The following SNRPN variants were observed in gnomAD, a reference collection of about 807,000 sequenced individuals.
The protein encoded by SNRPN is small nuclear ribonucleoprotein-associated protein N.
A neutral mutation model predicts 25.2 loss-of-function variants in SNRPN; 7 were observed. The observed-to-expected ratio is 0.28, with a 90% CI of 0.16 to 0.52. The LOEUF (loss-of-function observed/expected upper bound fraction) is 0.52. Among genes scored for constraint, SNRPN ranks in the 20% least tolerant of loss-of-function variants. The pLI is 0.96. For synonymous variants in SNRPN, 124 were observed against 110.6 expected (o/e 1.12, Z -0.76); for missense variants, 196 against 322.5 (o/e 0.61, Z 3.00).
At chr15:24,898,763 C>T (rs753125034) in intron 2 of SNRPN, among the ~76,000 whole-genome samples, 3 of 151,920 alleles carry the variant, frequency 2.0e-5, no homozygotes, top group Non-Finnish European at 4.4e-5. Context: ...GTGATCGGAC[C>T]CAACACCAGG....
chr15:24,869,432 G>A (rs1340045184), intron 1 of SNRPN, among the ~76,000 whole-genome samples: 2 of 151,858 alleles, frequency 1.3e-5, no homozygotes, highest in African/African-American at 4.8e-5. Flanking sequence ...TTCTTCTACC[G>A]AATGAACACT....
chr15:24,949,040 G>GAGAT (rs2062062590), intron 3 of SNRPN, among the ~76,000 whole-genome samples: 4 of 19,430 alleles, frequency 2.1e-4, no homozygotes, highest in African/African-American at 5.2e-4. Flanking sequence ...TTTTTTTTTT[G>GAGAT]AGATAGAGTC....
At chr15:24,936,045 G>A (rs2061216376) in intron 3 of SNRPN, among the ~76,000 whole-genome samples, 1 of 151,928 alleles carries the variant, frequency 6.6e-6, no homozygotes, top group Non-Finnish European at 1.5e-5. Flanking sequence ...AACCCAGGAG[G>A]CGGAGGTTGT....
chr15:24,959,467 T>C (rs772822983), intron 1 of SNRPN, among the ~76,000 whole-genome samples: 1 of 152,132 alleles, frequency 6.6e-6, no homozygotes, highest in African/African-American at 2.4e-5. Context: ...TAAAAAAAGG[T>C]AAATTCAGAA....
At chr15:24,893,767 C>CAT (rs1168475870) in intron 2 of SNRPN, among the ~76,000 whole-genome samples, 7 of 151,978 alleles carry the variant, frequency 4.6e-5, no homozygotes, top group African/African-American at 1.7e-4. Flanking sequence ...GGTTCTTTAT[C>CAT]GGTATGGTGA....
chr15:24,830,048 G>A (rs60669255), intron 2 of SNRPN: 19,709 of 152,004 alleles, frequency 0.13, 1,496 homozygotes, highest in African/African-American at 0.19. Context: ...GTGCATGACC[G>A]CTTACATGTT....
chr15:24,942,266 G>C (rs138843595), intron 3 of SNRPN: 76 of 152,196 alleles, frequency 5.0e-4, no homozygotes, highest in African/African-American at 1.8e-3. Context: ...TCTATCTTTT[G>C]GTTTCTAGAC....
intron 1 of SNRPN, among the ~76,000 whole-genome samples, chr15:24,959,030 T>C (rs2074348326): frequency 6.6e-6 from 1 of 152,220 alleles, no homozygotes; most frequent in Non-Finnish European, 1.5e-5. Context: ...CTTTGTTTAT[T>C]TTTATTCTTG....
intron 2 of SNRPN, 133 bp from the exon 3 acceptor site, chr15:24,967,791 GAATGAGAC>G: frequency 1.4e-6 from 1 of 703,476 alleles, no homozygotes. Flanking sequence ...CTGGGCAACA[GAATGAGAC>G]CCTGTCTGGA....
Position 24,935,258 on chromosome 15 carries a change from C to A in SNRPN, c.-391+15134C>A, listed in dbSNP as rs112428725. 1.2e-3 allele frequency among the ~76,000 whole-genome samples: 185 copies of A among 149,840 alleles called. 1 individual carries two copies. Among genetic ancestry groups the A allele is most frequent in the African/African-American group, 4.4e-3 (176 of 39,852 alleles). ...CTACACTCCAGCATGGGCAACAGAG[C>A]GAGACTTTGTCTCCAAAAAAAAAAA... On this transcript the variant is annotated intron_variant, in intron 3 of 11. Transcript: ENST00000400097.
intron 3 of SNRPN, among the ~76,000 whole-genome samples, chr15:24,926,654 C>T (rs941888727): frequency 4.0e-5 from 6 of 151,260 alleles, no homozygotes; most frequent in Admixed American, 6.6e-5. Flanking sequence ...ATAGATGTAT[C>T]CATGCTATTT....
intron 1 of SNRPN, among the ~76,000 whole-genome samples, chr15:24,873,703 T>C (rs1316248639): frequency 6.6e-6 from 1 of 152,038 alleles, no homozygotes; most frequent in Non-Finnish European, 1.5e-5. Flanking sequence ...TGCCTCGGCC[T>C]CTCAAAGTGC....
At chr15:24,855,052 T>C (rs1277769669), upstream of SNRPN, among the ~76,000 whole-genome samples, 1 of 152,204 alleles carries the variant, frequency 6.6e-6, no homozygotes, top group Non-Finnish European at 1.5e-5. Flanking sequence ...TCTAGAAGAT[T>C]TGTTCATGGA....
At chr15:24,876,309 A>C (rs940093611) in intron 1 of SNRPN, among the ~76,000 whole-genome samples, 1 of 152,134 alleles carries the variant, frequency 6.6e-6, no homozygotes, top group Non-Finnish European at 1.5e-5. Context: ...CAAATAGGCA[A>C]TAAAAATCAG....
chr15:24,918,438 A>C, intron 2 of SNRPN, among the ~76,000 whole-genome samples: 1 of 127,756 alleles, frequency 7.8e-6, no homozygotes. Flanking sequence ...AACATAATAT[A>C]TATGTGTATA....
chr15:24,954,320 G>GT (rs1263093712), upstream of SNRPN, among the ~76,000 whole-genome samples: 1 of 152,132 alleles, frequency 6.6e-6, no homozygotes, highest in Non-Finnish European at 1.5e-5. Context: ...TAGATCTTAG[G>GT]TGGGGGTCTA....
intron 2 of SNRPN, among the ~76,000 whole-genome samples, chr15:24,900,092 C>T (rs1255873968): frequency 6.6e-6 from 1 of 152,134 alleles, no homozygotes; most frequent in African/African-American, 2.4e-5. Flanking sequence ...AACTGAAACA[C>T]GTGCCTTGGG....
At chr15:24,907,440 A>G (rs573997092) in intron 2 of SNRPN, among the ~76,000 whole-genome samples, 8 of 152,086 alleles carry the variant, frequency 5.3e-5, no homozygotes, top group African/African-American at 1.2e-4. Context: ...TACTAAAAAT[A>G]TAGAAAAATT....
chr15:24,973,783 CAT>C (rs1350359806), intron 3 of SNRPN, among the ~76,000 whole-genome samples: 1 of 152,148 alleles, frequency 6.6e-6, no homozygotes, highest in African/African-American at 2.4e-5. Context: ...ATTCCATAGT[CAT>C]GTGTTCTCTT....
Sources: gnomAD v4.1 joint callset for allele counts (sites outside exome capture counted in the v4.1 genomes callset) on GRCh38, gnomAD v4.1.1 for gene constraint, MANE v1.5 for transcripts, NCBI Gene and HGNC (gene_info 2026-07-23, HGNC 2026-07-21) for gene names.